The following PHACTR1 variants were observed in gnomAD, a reference collection of about 807,000 sequenced individuals.
The protein encoded by PHACTR1 is phosphatase and actin regulator 1, also known as RPEL repeat containing 1.
Under a neutral mutation model 69.2 loss-of-function variants are expected in PHACTR1, and 16 were observed. That is an observed-to-expected ratio of 0.23 (90% CI 0.16 to 0.35). PHACTR1 has a LOEUF of 0.35. Among genes scored for constraint, PHACTR1 ranks in the 10% least tolerant of loss-of-function variants. PHACTR1 has a pLI of 1.00. For synonymous variants in PHACTR1, 312 were observed against 284.5 expected, an observed-to-expected ratio of 1.10 and a Z score of -0.97; for missense variants, 510 against 734.7, an observed-to-expected ratio of 0.69 and a Z score of 3.54.
chr6:13,207,194 T>G (rs1766067043), intron 8 of PHACTR1, among the ~76,000 whole-genome samples: 1 of 152,244 alleles, frequency 6.6e-6, no homozygotes, highest in Non-Finnish European at 1.5e-5. Flanking sequence ...GAAAATACTT[T>G]TATATTTCAT....
Position 13,287,089 on chromosome 6 carries a change from C to G in PHACTR1, c.*11C>G, listed in dbSNP as rs1781840626. ...TTTCACCGACCTTAACAGTCGAATT[C>G]CTCTTGAGTGCTATGCTGTCTTCAA... On this transcript the variant is annotated 3_prime_UTR_variant, in exon 15 of 15. Coordinates refer to ENST00000332995, the MANE Select transcript of PHACTR1 (RefSeq NM_030948.6). The G allele has an allele frequency of 6.2e-7, 1 of 1,603,088 alleles. No homozygotes were observed. The highest frequency in any genetic ancestry group is 8.5e-7 in the Non-Finnish European group (1 of 1,173,808).
chr6:12,994,754 G>C (rs1290935468), intron 4 of PHACTR1, among the ~76,000 whole-genome samples: 1 of 151,998 alleles, frequency 6.6e-6, no homozygotes, highest in East Asian at 1.9e-4. Context: ...TTAGAAACTT[G>C]GAGTTAAATA....
chr6:12,994,171 T>G (rs778561328), intron 4 of PHACTR1, among the ~76,000 whole-genome samples: 99 of 152,016 alleles, frequency 6.5e-4, no homozygotes, highest in Admixed American at 3.9e-4. Context: ...CAGCCAAAGA[T>G]AGAATTAATA....
At chr6:12,922,394 T>C (rs1470031887) in intron 4 of PHACTR1, among the ~76,000 whole-genome samples, 2 of 152,084 alleles carry the variant, frequency 1.3e-5, no homozygotes, top group African/African-American at 2.4e-5. Flanking sequence ...TTTAGAGAAC[T>C]GCATGCAGTG....
chr6:12,755,446 A>G (rs959125820), intron 4 of PHACTR1, among the ~76,000 whole-genome samples: 5 of 152,236 alleles, frequency 3.3e-5, no homozygotes, highest in Non-Finnish European at 5.9e-5. Flanking sequence ...TACTGGATAC[A>G]TACTACACCT....
rs573770709 is a variant in PHACTR1, at chr6:12,836,527, A to G, written c.250+86737A>G. On this transcript the variant is annotated intron_variant, in intron 4 of 14. Coordinates refer to ENST00000332995, the MANE Select transcript of PHACTR1 (RefSeq NM_030948.6). ...TCTCCAGCAATATTTAGAGAACTGGAAAGTGAAAAGACATCTTCAAGTACT... is the reference window on the plus strand; with the variant it reads ...TCTCCAGCAATATTTAGAGAACTGGGAAGTGAAAAGACATCTTCAAGTACT... Among the ~76,000 whole-genome samples the G allele has an allele frequency of 2.4e-4, 36 of 152,232 alleles. 1 individual carries two copies. Among genetic ancestry groups the G allele is most frequent in the South Asian group, 6.2e-4 (3 of 4,832 alleles).
chr6:13,174,616 C>G (rs1223553), intron 6 of PHACTR1, among the ~76,000 whole-genome samples: 147,871 of 152,304 alleles, frequency 0.97, 71,938 homozygotes, highest in Middle Eastern at 1. Context: ...TTTTGTTAAT[C>G]ACAACTACAT....
At chr6:12,991,306 C>T (rs545644635) in intron 4 of PHACTR1, among the ~76,000 whole-genome samples, 3 of 152,154 alleles carry the variant, frequency 2.0e-5, no homozygotes, top group Non-Finnish European at 4.4e-5. Context: ...GACCCTGGCA[C>T]CCAAGGGGTG....
chr6:12,880,790 T>A (rs1263076588), intron 4 of PHACTR1, among the ~76,000 whole-genome samples: 1 of 152,178 alleles, frequency 6.6e-6, no homozygotes, highest in Non-Finnish European at 1.5e-5. Flanking sequence ...GAGGTCAGCA[T>A]GAGAAAAGAC....
chr6:12,762,913 T>C (rs748940992), intron 4 of PHACTR1, among the ~76,000 whole-genome samples: 3 of 152,146 alleles, frequency 2.0e-5, no homozygotes, highest in Non-Finnish European at 2.9e-5. Flanking sequence ...TCACGACTTG[T>C]TTCATAGAAC....
At chr6:13,240,178 A>G (rs974949171) in intron 10 of PHACTR1, among the ~76,000 whole-genome samples, 1 of 152,120 alleles carries the variant, frequency 6.6e-6, no homozygotes, top group African/African-American at 2.4e-5. Flanking sequence ...TGGGGAGAGC[A>G]CAGCTATACT....
chr6:13,199,621 C>T (rs1366382032), intron 7 of PHACTR1, among the ~76,000 whole-genome samples: 1 of 152,088 alleles, frequency 6.6e-6, no homozygotes, highest in Non-Finnish European at 1.5e-5. Context: ...TGCTTTGAAT[C>T]AACTATGTAG....
intron 4 of PHACTR1, among the ~76,000 whole-genome samples, chr6:13,020,387 C>T (rs1345588351): frequency 6.6e-6 from 1 of 152,286 alleles, no homozygotes; most frequent in East Asian, 1.9e-4. Context: ...AGTGAACTTA[C>T]GTGTGAGTAG....
intron 4 of PHACTR1, among the ~76,000 whole-genome samples, chr6:12,793,256 G>A (rs972425421): frequency 1.3e-5 from 2 of 152,172 alleles, no homozygotes; most frequent in Non-Finnish European, 2.9e-5. Context: ...CGCTAGTAGC[G>A]ATTCTTGAGT....
At chr6:13,149,318 A>G (rs1823943066) in intron 5 of PHACTR1, among the ~76,000 whole-genome samples, 1 of 152,254 alleles carries the variant, frequency 6.6e-6, no homozygotes, top group South Asian at 2.1e-4. Flanking sequence ...AAGTCTTCTC[A>G]GGGCCTTCAG....
At chr6:12,795,738 GT>G (rs70989805) in intron 4 of PHACTR1, among the ~76,000 whole-genome samples, 55,984 of 146,494 alleles carry the variant, frequency 0.38, 11,175 homozygotes, top group African/African-American at 0.52. Context: ...TTTTTGAGTT[GT>G]TTTTTTTTTT....
At chr6:12,781,347 G>T (rs902974537) in intron 4 of PHACTR1, among the ~76,000 whole-genome samples, 10 of 152,146 alleles carry the variant, frequency 6.6e-5, no homozygotes, top group African/African-American at 1.9e-4. Flanking sequence ...GTCTGTGATT[G>T]CTCCTTCACT....
chr6:13,174,744 C>G (rs1761093177), intron 6 of PHACTR1, among the ~76,000 whole-genome samples: 1 of 152,166 alleles, frequency 6.6e-6, no homozygotes. Context: ...CCCCCTCCCT[C>G]TCTCTTACCA....
chr6:13,022,856 A>G (rs1057453037), intron 4 of PHACTR1, among the ~76,000 whole-genome samples: 2 of 151,926 alleles, frequency 1.3e-5, no homozygotes, highest in African/African-American at 4.8e-5. Flanking sequence ...GTCTCTACAA[A>G]AAGTACTAAA....
Sources: gnomAD v4.1 joint callset for allele counts (sites outside exome capture counted in the v4.1 genomes callset) on GRCh38, gnomAD v4.1.1 for gene constraint, MANE v1.5 for transcripts, NCBI Gene and HGNC (gene_info 2026-07-23, HGNC 2026-07-21) for gene names.